Variants in NIN observed in about 807,000 individuals in gnomAD.
The protein encoded by NIN is glycogen synthase kinase 3 beta-interacting protein.
Under a neutral mutation model 257.6 loss-of-function variants are expected in NIN, and 137 were observed. The observed-to-expected ratio is 0.53, with a 90% CI of 0.46 to 0.61. The LOEUF is 0.61. Among genes scored for constraint, NIN ranks in the 20% least tolerant of loss-of-function variants. The pLI is 0.00. For synonymous variants in NIN, 918 were observed against 919.8 expected, an observed-to-expected ratio of 1.00 and a Z score of 0.04; for missense variants, 2,439 against 2,501.2, an observed-to-expected ratio of 0.98 and a Z score of 0.53.
rs759044798 is a variant in NIN, at chr14:50,721,849, G to C, written c.*1614C>G. The C allele has an allele frequency of 1.8e-5, 4 of 223,524 alleles. No homozygotes were observed. Among genetic ancestry groups the C allele is most frequent in the Non-Finnish European group, 3.6e-5 (4 of 111,922 alleles). 13.8% of individuals were successfully genotyped at this position (223,524 alleles called of 1,614,324 possible). ...TGAGGCCTCCTGGGTTGACCGGTGAGACTCATAAGCCCCCAAGAAACCCTG... is the reference window on the plus strand; with the variant it reads ...TGAGGCCTCCTGGGTTGACCGGTGACACTCATAAGCCCCCAAGAAACCCTG... On this transcript the variant is annotated 3_prime_UTR_variant, in exon 31 of 31. Coordinates refer to ENST00000530997, the MANE Select transcript of NIN (RefSeq NM_020921.4).
At chr14:50,785,565 CCAAA>C (rs1311515098) in intron 5 of NIN, among the ~76,000 whole-genome samples, 3 of 152,114 alleles carry the variant, frequency 2.0e-5, no homozygotes, top group East Asian at 1.9e-4. Flanking sequence ...ACATAGCTCC[CCAAA>C]CAAACTGAGC....
intron 5 of NIN, among the ~76,000 whole-genome samples, chr14:50,780,517 C>A (rs958755125): frequency 1.3e-5 from 2 of 152,138 alleles, no homozygotes; most frequent in African/African-American, 4.8e-5. Flanking sequence ...CAAGTTAATA[C>A]GAGTTGAAGT....
intron 20 of NIN, among the ~76,000 whole-genome samples, chr14:50,753,179 C>T (rs2041869702): frequency 6.6e-6 from 1 of 152,196 alleles, no homozygotes; most frequent in Non-Finnish European, 1.5e-5. Context: ...ACAGGCGGAT[C>T]ACCTGAGGTC....
In NIN at chr14:50,744,287, C is replaced by A. The variant is rs749555908; in HGVS notation, c.5143G>T (p.Glu1715Ter). 3.7e-6 allele frequency: 6 copies of A among 1,614,116 alleles called. No homozygotes were observed. Among genetic ancestry groups the A allele is most frequent in the Non-Finnish European group, 5.1e-6 (6 of 1,179,980 alleles). Residue 1715 changes from glutamate to a stop codon, truncating the protein, a stop_gained, in exon 23 of 31, where the codon GAA (glutamate) becomes TAA (stop). Coordinates refer to ENST00000530997, the MANE Select transcript of NIN (RefSeq NM_020921.4). LOFTEE classifies it high-confidence loss of function. Reference protein sequence around the residue: ...VLSYNEKLLKEKEALSEELNS... With the variant: ...VLSYNEKLLK ...AATTCCTCACTCAGAGCTTCCTTTT[C>A]TTTCAGCAGTTTTTCGTTGTAGCTT... is the stretch of plus-strand genomic sequence containing the variant.
intron 20 of NIN, 112 bp from the exon 21 acceptor site, chr14:50,752,845 A>C (rs535559595): frequency 1.8e-6 from 1 of 571,156 alleles, no homozygotes; most frequent in African/African-American, 1.9e-5. Flanking sequence ...TAAAGTTTAA[A>C]ATATATATAT....
At chr14:50,790,349 C>A (rs751743723) in intron 5 of NIN, among the ~76,000 whole-genome samples, 3 of 152,190 alleles carry the variant, frequency 2.0e-5, no homozygotes, top group Non-Finnish European at 4.4e-5. Context: ...CCATGCCCAG[C>A]ACTGAAACTT....
At chr14:50,806,157 G>T (rs1265610026) in intron 4 of NIN, 5 of 152,144 alleles carry the variant, frequency 3.3e-5, no homozygotes, top group Admixed American at 6.5e-5. Flanking sequence ...AAAAAAATCA[G>T]TGAAGTATAA....
At chr14:50,750,558 G>A (rs1039529627) in intron 21 of NIN, among the ~76,000 whole-genome samples, 4 of 146,334 alleles carry the variant, frequency 2.7e-5, no homozygotes, top group African/African-American at 1.0e-4. Flanking sequence ...GATTATCATA[G>A]CATGTAGATA....
At position 50,804,072 on chromosome 14, in the gene NIN, T is replaced by C. The variant is rs151216839; in HGVS notation, c.265+2665A>G. ...CACCACACCTGGCTAATTTTTTGTA[T>C]TGTTAGTAGAGACGGGGTTTCGTCA... On this transcript the variant is annotated intron_variant, in intron 4 of 30. Coordinates refer to ENST00000530997, the MANE Select transcript of NIN (RefSeq NM_020921.4). Among the ~76,000 whole-genome samples, 234 of 152,178 alleles carry C rather than the reference T, an allele frequency of 1.5e-3. 1 individual carries two copies. Among genetic ancestry groups the C allele is most frequent in the African/African-American group, 5.3e-3 (219 of 41,514 alleles).
intron 4 of NIN, among the ~76,000 whole-genome samples, chr14:50,795,433 T>A (rs17122909): frequency 6.6e-6 from 1 of 152,124 alleles, no homozygotes; most frequent in Non-Finnish European, 1.5e-5. Flanking sequence ...GAAAACACTA[T>A]GATTCTCCTC....
chr14:50,750,821 C>G (rs975496189), intron 21 of NIN, among the ~76,000 whole-genome samples: 6 of 152,254 alleles, frequency 3.9e-5, no homozygotes, highest in African/African-American at 1.2e-4. Context: ...AGAGTCAGAG[C>G]TATACGAAAA....
intron 12 of NIN, among the ~76,000 whole-genome samples, chr14:50,769,902 C>T (rs908410701): frequency 4.7e-5 from 7 of 150,504 alleles, no homozygotes; most frequent in African/African-American, 1.5e-4. Context: ...ATAACTGCAC[C>T]GCTGCGCTCC....
In NIN at chr14:50,748,213, G is replaced by T. The variant is rs145712102; in HGVS notation, c.4951-108C>A. On this transcript the variant is annotated intron_variant, in intron 21 of 30. Coordinates refer to ENST00000530997, the MANE Select transcript of NIN (RefSeq NM_020921.4). ...AAGGAAACAGTAATATGAACTCAAT[G>T]ACACTGTTTTATGACCATTTTTTAT... 1,217 of 642,878 alleles carry T rather than the reference G, an allele frequency of 1.9e-3. 8 individuals carry two copies. The African/African-American group carries it at 0.02, about 11-fold the overall frequency. The allele number at this position is 642,878 out of a possible 1,614,324, so 39.8% of individuals were successfully genotyped here.
intron 5 of NIN, among the ~76,000 whole-genome samples, chr14:50,785,287 G>C (rs958211113): frequency 6.6e-6 from 1 of 152,222 alleles, no homozygotes; most frequent in African/African-American, 2.4e-5. Context: ...TGTGGTCCTG[G>C]TGTGGCCCCT....
chr14:50,827,689 A>G (rs12879180), intron 2 of NIN, among the ~76,000 whole-genome samples: 144,466 of 148,078 alleles, frequency 0.98, 70,575 homozygotes, highest in East Asian at 1. Context: ...CCTGGGAGGC[A>G]GAGGTTGCAG....
In NIN at chr14:50,754,759, T is replaced by C; in HGVS notation, c.4647A>G (p.Gly1549=). 1.3e-6 allele frequency: 2 copies of C among 1,584,962 alleles called. No homozygotes were observed. The highest frequency in any genetic ancestry group is 1.7e-6 in the Non-Finnish European group (2 of 1,162,590). ...CGTCTTACCACATTTCTTCCTGAGA[T>C]CCATTTAATGTCCCTAATTTCAGGT... ...ISNLKLGTLN[G]SQEEMWQKTE... Residue 1549 remains glycine, a synonymous_variant, in exon 19 of 31, where the codon GGA becomes GGG. Coordinates refer to ENST00000530997, the MANE Select transcript of NIN (RefSeq NM_020921.4).
At chr14:50,819,478 A>G (rs1273122901) in intron 3 of NIN, among the ~76,000 whole-genome samples, 1 of 152,164 alleles carries the variant, frequency 6.6e-6, no homozygotes, top group African/African-American at 2.4e-5. Flanking sequence ...CTCGGCTTTC[A>G]TTCTGTCTTG....
chr14:50,827,741 C>T (rs1256475301), intron 2 of NIN, among the ~76,000 whole-genome samples: 5 of 119,040 alleles, frequency 4.2e-5, no homozygotes, highest in African/African-American at 6.4e-5. Flanking sequence ...CAGGAGAGAG[C>T]GAGAGACTCC....
chr14:50,802,757 A>G lies in NIN; in HGVS notation c.265+3980T>C, dbSNP rs559336071. 2.0e-5 allele frequency among the ~76,000 whole-genome samples: 3 copies of G among 152,352 alleles called. No homozygotes were observed. The East Asian group carries it at 5.8e-4, about 29-fold the overall frequency. On this transcript the variant is annotated intron_variant, in intron 4 of 30. Coordinates refer to ENST00000530997, the MANE Select transcript of NIN (RefSeq NM_020921.4). ...TTCACATACAAGGTGACCAAAGACC[A>G]CTAAGGTCATGATATATAAGATCAC...
Sources: allele counts gnomAD v4.1 joint callset (sites outside exome capture counted in the v4.1 genomes callset), GRCh38; gene constraint gnomAD v4.1.1; transcripts MANE v1.5; gene names NCBI Gene and HGNC (gene_info 2026-07-23, HGNC 2026-07-21).